PPIP5K2: variants seen among roughly 807,000 people sequenced by gnomAD.
PPIP5K2 encodes the protein diphosphoinositol pentakisphosphate kinase 2.
In PPIP5K2, 105 loss-of-function variants were observed where a neutral mutation model predicts 154.6. The observed-to-expected ratio is 0.68, with a 90% CI of 0.58 to 0.80. PPIP5K2 has a LOEUF of 0.80. Among genes scored for constraint, PPIP5K2 ranks in the 30% least tolerant of loss-of-function variants. The probability of loss-of-function intolerance (pLI) is 0.00; values close to 1 mark genes in which losing one functional copy is unlikely to be tolerated. For synonymous variants in PPIP5K2, 480 were observed against 490.3 expected, an observed-to-expected ratio of 0.98 and a Z score of 0.28; for missense variants, 992 against 1,504.6, an observed-to-expected ratio of 0.66 and a Z score of 5.64.
At chr5:103,171,813 A>T (rs1203461673) in intron 19 of PPIP5K2, among the ~76,000 whole-genome samples, 2 of 151,588 alleles carry the variant, frequency 1.3e-5, no homozygotes, top group Non-Finnish European at 3.0e-5. Flanking sequence ...ATGAAAACTG[A>T]ATCAGAAAAA....
At position 103,173,286 on chromosome 5, in the gene PPIP5K2, A is replaced by G; in HGVS notation, c.2414+4A>G. The G allele has an allele frequency of 6.2e-7, 1 of 1,605,380 alleles. No individual in the cohort carries two copies. The highest frequency in any genetic ancestry group is 8.5e-7 in the Non-Finnish European group (1 of 1,176,734). ...CTGTAAATAAACTTCATCCTGTGTA[A>G]GAAACTGTACTGGTTATTTAAATCT... On this transcript the variant is annotated splice_donor_region_variant and intron_variant, in intron 20 of 30. Coordinates refer to ENST00000358359, the MANE Select transcript of PPIP5K2 (RefSeq NM_001276277.3).
chr5:103,188,273 A>T (rs1800712812), intron 28 of PPIP5K2, among the ~76,000 whole-genome samples: 1 of 152,134 alleles, frequency 6.6e-6, no homozygotes, highest in South Asian at 2.1e-4. Context: ...TGCTTGTATT[A>T]TACATGGAAT....
rs1803584766 is a variant in PPIP5K2 at position 103,207,531 on chromosome 5, G to GT, written c.*5903dup. ...CTATAGTTCACTTGTTGTGCTAATG[G>GT]TTTTTTCCTTCACTATGATTTTGAA... On this transcript the variant is annotated 3_prime_UTR_variant, in exon 31 of 31. Transcript: ENST00000358359. The GT allele has an allele frequency of 6.6e-6, 1 of 151,612 alleles. No individual in the cohort carries two copies. Among genetic ancestry groups the GT allele is most frequent in the African/African-American group, 2.4e-5 (1 of 41,278 alleles). 9.4% of individuals were successfully genotyped at this position (151,612 alleles called of 1,614,324 possible).
At position 103,177,883 on chromosome 5, in the gene PPIP5K2, G is replaced by A. The variant is rs782712968; in HGVS notation, c.2657G>A (p.Arg886His). The change falls in exon 23 of 31, where the codon CGC (arginine) becomes CAC (histidine). Residue 886 changes from arginine to histidine, a missense_variant. Arg to His is a conservative substitution (Grantham distance 29). Coordinates refer to ENST00000358359, the MANE Select transcript of PPIP5K2 (RefSeq NM_001276277.3). ...TCTTAGGATCTTTCCTCAGAAGAAC[G>A]CTTTCATGTTGAATTACACTTTAGT... ...DPNKDLSSEE[R>H]FHVELHFSPG... 1 of 1,612,808 alleles carries A rather than the reference G, an allele frequency of 6.2e-7. No homozygotes were observed. The highest frequency in any genetic ancestry group is 1.1e-5 in the South Asian group (1 of 91,006).
chr5:103,197,602 G>T (rs1306152966), intron 30 of PPIP5K2, among the ~76,000 whole-genome samples: 10 of 127,736 alleles, frequency 7.8e-5, no homozygotes, highest in African/African-American at 2.8e-4. Flanking sequence ...TTGAGACGGA[G>T]TCTCCCTCTG....
chr5:103,175,153 T>C (rs1554220619), intron 21 of PPIP5K2, among the ~76,000 whole-genome samples: 1 of 152,140 alleles, frequency 6.6e-6, no homozygotes, highest in East Asian at 1.9e-4. Context: ...TAATGTACTT[T>C]TAAAAGAAGG....
intron 27 of PPIP5K2, 54 bp from the exon 28 acceptor site, chr5:103,187,260 G>A (rs1800537604): frequency 7.5e-7 from 1 of 1,336,762 alleles, no homozygotes; most frequent in South Asian, 1.3e-5. Flanking sequence ...TTTCTTTTAA[G>A]TGTTCTTTTT....
At chr5:103,157,199 CT>C (rs199637997) in intron 14 of PPIP5K2, among the ~76,000 whole-genome samples, 238 of 151,010 alleles carry the variant, frequency 1.6e-3, no homozygotes, top group Middle Eastern at 6.8e-3. Context: ...TTTTGAATTA[CT>C]TTTTTTTTCA....
At chr5:103,130,332 C>G (rs1790410510) in intron 2 of PPIP5K2, among the ~76,000 whole-genome samples, 2 of 152,038 alleles carry the variant, frequency 1.3e-5, no homozygotes, top group Admixed American at 6.5e-5. Context: ...CAATATTTTT[C>G]TTACTCATCA....
At chr5:103,164,081 G>A (rs1024210632) in intron 17 of PPIP5K2, among the ~76,000 whole-genome samples, 1 of 151,680 alleles carries the variant, frequency 6.6e-6, no homozygotes, top group East Asian at 1.9e-4. Context: ...TTTTCTTTGT[G>A]GGAAAGTTTC....
intron 29 of PPIP5K2, among the ~76,000 whole-genome samples, chr5:103,193,718 A>G (rs115771851): frequency 0.011 from 1,712 of 152,230 alleles, 11 homozygotes; most frequent in African/African-American, 0.018. Context: ...AGTTAAATGA[A>G]TAATCATTCA....
In PPIP5K2 at chr5:103,186,414, G is replaced by C; in HGVS notation, c.3264G>C (p.Lys1088Asn). 6.2e-7 allele frequency: 1 copy of C among 1,613,880 alleles called. No homozygotes were observed. Among genetic ancestry groups the C allele is most frequent in the East Asian group, 2.2e-5 (1 of 44,874 alleles). ...LQDYARTHRK[K>N]LTSSGCIDDA... ...ATTATGCTCGTACTCATCGTAAAAA[G>C]CTGACCTCTTCTGGCTGCATAGATG... The change falls in exon 27 of 31, where the codon AAG becomes AAC. Residue 1088 changes from lysine to asparagine, a missense_variant. Lys to Asn is a moderately conservative substitution (Grantham distance 94). Around this residue, in one of 9 missense-constraint regions of PPIP5K2, gnomAD observed 204 missense variants for 224.0 expected, o/e 0.91. Coordinates refer to ENST00000358359, the MANE Select transcript of PPIP5K2 (RefSeq NM_001276277.3).
intron 4 of PPIP5K2, 53 bp downstream of exon 4, chr5:103,136,875 T>C: frequency 8.0e-7 from 1 of 1,243,266 alleles, no homozygotes; most frequent in Non-Finnish European, 1.2e-6. Context: ...ATTAATTTAG[T>C]ACCTACTGTA....
intron 26 of PPIP5K2, 119 bp from the exon 27 acceptor site, chr5:103,186,201 A>G (rs1345844294): frequency 1.0e-5 from 13 of 1,258,818 alleles, no homozygotes; most frequent in African/African-American, 1.5e-5. Context: ...AGCCTGTTCA[A>G]GGCACTTCCA....
Position 103,186,195 on chromosome 5 carries a change from T to C in PPIP5K2, c.3170-125T>C, listed in dbSNP as rs17155121. On this transcript the variant is annotated intron_variant, in intron 26 of 30. Transcript: ENST00000358359. ...GGAAATTACAAGAATATTGTGAGCC[T>C]GTTCAAGGCACTTCCAAAGGTTGCC... 47,626 of 1,155,306 alleles carry C rather than the reference T, an allele frequency of 0.041. 1,077 individuals are homozygous for C. Among genetic ancestry groups the C allele is most frequent in the Non-Finnish European group, 0.046 (37,323 of 807,644 alleles). The allele number at this position is 1,155,306 out of a possible 1,614,324, so 71.6% of individuals were successfully genotyped here. A position where few individuals can be genotyped will look rare whatever the true frequency, so the allele number is the denominator to read the frequency against.
chr5:103,168,871 A>C (rs1380838693), intron 19 of PPIP5K2, among the ~76,000 whole-genome samples: 1 of 151,882 alleles, frequency 6.6e-6, no homozygotes, highest in Admixed American at 6.6e-5. Flanking sequence ...CAAACTAAAG[A>C]ATGGAAAACA....
rs532251569 is a variant in PPIP5K2, at chr5:103,129,848, G to C, written c.114+145G>C. 226 of 1,169,272 alleles carry C rather than the reference G, an allele frequency of 1.9e-4. 3 individuals carry two copies. The South Asian group carries it at 4.1e-3, about 21-fold the overall frequency. The allele number at this position is 1,169,272 out of a possible 1,614,324, so 72.4% of individuals were successfully genotyped here. A position where few individuals can be genotyped will look rare whatever the true frequency, so the allele number is the denominator to read the frequency against. ...TGACTGATGTTGTTGAATCTATGATGAATCAATAAATACAGTTATGGGTCA... is the reference window on the plus strand; with the variant it reads ...TGACTGATGTTGTTGAATCTATGATCAATCAATAAATACAGTTATGGGTCA... On this transcript the variant is annotated intron_variant, in intron 2 of 30. Coordinates refer to ENST00000358359, the MANE Select transcript of PPIP5K2 (RefSeq NM_001276277.3).
intron 1 of PPIP5K2, among the ~76,000 whole-genome samples, chr5:103,126,532 A>T (rs1789707571): frequency 6.6e-6 from 1 of 152,192 alleles, no homozygotes; most frequent in Admixed American, 6.5e-5. Flanking sequence ...AATAGGATAG[A>T]TATAGCTACA....
chr5:103,170,444 T>A (rs1359244188), intron 19 of PPIP5K2, among the ~76,000 whole-genome samples: 1 of 151,610 alleles, frequency 6.6e-6, no homozygotes, highest in Non-Finnish European at 1.5e-5. Flanking sequence ...TCGGATAAGT[T>A]ATTTTTTAAA....
Sources: allele counts gnomAD v4.1 joint callset (sites outside exome capture counted in the v4.1 genomes callset), GRCh38; gene constraint gnomAD v4.1.1; regional missense constraint gnomAD v4.1.1; transcripts MANE v1.5; gene names NCBI Gene and HGNC (gene_info 2026-07-23, HGNC 2026-07-21).